ARHGEF10: variants seen among roughly 807,000 people sequenced by gnomAD.
ARHGEF10 encodes Rho guanine nucleotide exchange factor 10.
In ARHGEF10, 140 loss-of-function variants were observed where a neutral mutation model predicts 147.4. The observed-to-expected ratio is 0.95, with a 90% confidence interval of 0.83 to 1.09. The LOEUF is 1.09. Ranked by LOEUF, ARHGEF10 falls within the 50% of genes least tolerant of loss-of-function variation. The probability of loss-of-function intolerance (pLI) is 0.00; values close to 1 mark genes in which losing one functional copy is unlikely to be tolerated. For missense variants in ARHGEF10, 2,222 were observed against 1,752.7 expected, an observed-to-expected ratio of 1.27 and a Z score of -4.78; for synonymous variants, 902 against 695.8, an observed-to-expected ratio of 1.30 and a Z score of -4.67.
In ARHGEF10 at chr8:1,949,357, A is replaced by G. The variant is rs147935978; in HGVS notation, c.3398-3348A>G. ...ATAAGCTACATCAGATTCAACACAGACTAACAGTTGATGAAGGTCTGTGAT... is the reference window on the plus strand; with the variant it reads ...ATAAGCTACATCAGATTCAACACAGGCTAACAGTTGATGAAGGTCTGTGAT... On this transcript the variant is annotated intron_variant, in intron 27 of 28. Coordinates refer to ENST00000349830, the MANE Select transcript of ARHGEF10 (RefSeq NM_014629.4). Among the ~76,000 whole-genome samples the G allele has an allele frequency of 2.2e-4, 33 of 152,348 alleles. No homozygotes were observed. In the East Asian group the frequency reaches 6.0e-3, roughly 28 times the overall value.
At chr8:1,935,222 C>CA (rs1226246710) in intron 26 of ARHGEF10, among the ~76,000 whole-genome samples, 3 of 151,978 alleles carry the variant, frequency 2.0e-5, no homozygotes, top group African/African-American at 7.3e-5. Flanking sequence ...CCCCCCACAA[C>CA]CCCCCATCAG....
At chr8:1,888,875 A>AGTATTGTGAGGAGATACT (rs1809083068) in intron 11 of ARHGEF10, among the ~76,000 whole-genome samples, 1 of 98,270 alleles carries the variant, frequency 1.0e-5, no homozygotes, top group African/African-American at 5.9e-5. Context: ...GAGTGGGGTG[A>AGTATTGTGAGGAGATACT]GAGTTATGAG....
intron 25 of ARHGEF10, among the ~76,000 whole-genome samples, chr8:1,930,604 C>A (rs372471522): frequency 6.6e-6 from 1 of 152,170 alleles, no homozygotes; most frequent in African/African-American, 2.4e-5. Flanking sequence ...CCAACCACCC[C>A]CGTTCTCTCT....
chr8:1,824,925 C>G (rs1802653829), intron 1 of ARHGEF10, among the ~76,000 whole-genome samples: 1 of 51,872 alleles, frequency 1.9e-5, no homozygotes, highest in Non-Finnish European at 3.6e-5. Flanking sequence ...CCCTCAGCAC[C>G]CCATGTTAAC....
At chr8:1,917,065 C>T (rs990487330) in intron 18 of ARHGEF10, among the ~76,000 whole-genome samples, 3 of 152,250 alleles carry the variant, frequency 2.0e-5, no homozygotes, top group South Asian at 2.1e-4. Flanking sequence ...TTATTGCATA[C>T]TGCAAGCTTC....
intron 1 of ARHGEF10, among the ~76,000 whole-genome samples, chr8:1,838,513 T>C (rs1803727686): frequency 6.6e-6 from 1 of 152,264 alleles, no homozygotes; most frequent in Non-Finnish European, 1.5e-5. Context: ...CCTGCTGCTG[T>C]GTGCACGCCG....
At chr8:1,918,534 G>A (rs1473005315) in intron 18 of ARHGEF10, among the ~76,000 whole-genome samples, 1 of 150,152 alleles carries the variant, frequency 6.7e-6, no homozygotes, top group Non-Finnish European at 1.5e-5. Flanking sequence ...GTTTTTAGTT[G>A]ACAAATAATC....
chr8:1,846,365 G>A (rs547788149), intron 2 of ARHGEF10, among the ~76,000 whole-genome samples: 1 of 152,318 alleles, frequency 6.6e-6, no homozygotes, highest in South Asian at 2.1e-4. Context: ...CTTTTCTGAG[G>A]ATTCTGTGGT....
At position 1,929,353 on chromosome 8, in the gene ARHGEF10, A is replaced by G. The variant is rs533132790; in HGVS notation, c.2989A>G (p.Lys997Glu). The G allele has an allele frequency of 6.2e-7, 1 of 1,613,982 alleles. No homozygotes were observed. The highest frequency in any genetic ancestry group is 8.5e-7 in the Non-Finnish European group (1 of 1,180,032). Reference sequence around the variant, plus strand: ...ACTTCAGCACTTTTTCACTCCTGAGAAGTCCACAGTCATGAGCCTGGCTTG... The same window carrying G: ...ACTTCAGCACTTTTTCACTCCTGAGGAGTCCACAGTCATGAGCCTGGCTTG... The part of the protein sequence containing the change: ...VRLQHFFTPE[K>E]STVMSLACTS... Residue 997 changes from lysine (K) to glutamate (E), a missense_variant, in exon 25 of 29, where the codon AAG (lysine) becomes GAG (glutamate). Coordinates refer to ENST00000349830, the MANE Select transcript of ARHGEF10 (RefSeq NM_014629.4).
At chr8:1,941,169 T>C (rs1222911821) in intron 26 of ARHGEF10, among the ~76,000 whole-genome samples, 1 of 152,220 alleles carries the variant, frequency 6.6e-6, no homozygotes, top group Admixed American at 6.5e-5. Flanking sequence ...AAGGAAGAAG[T>C]AAAGTTGCAT....
At chr8:1,929,903 G>A (rs541991829) in intron 25 of ARHGEF10, among the ~76,000 whole-genome samples, 3 of 152,318 alleles carry the variant, frequency 2.0e-5, no homozygotes, top group South Asian at 4.1e-4. Flanking sequence ...GTGTTCTGCT[G>A]GGTGCCTTAG....
chr8:1,891,280 A>C (rs1257569936), intron 11 of ARHGEF10, among the ~76,000 whole-genome samples: 3 of 152,080 alleles, frequency 2.0e-5, no homozygotes, highest in Admixed American at 2.0e-4. Context: ...TGTCCATGAG[A>C]GTTTTCTCTT....
chr8:1,829,373 C>A (rs1048813524), intron 1 of ARHGEF10, among the ~76,000 whole-genome samples: 22 of 152,266 alleles, frequency 1.4e-4, no homozygotes, highest in African/African-American at 4.3e-4. Context: ...TAAGGCCAGG[C>A]CTGTGGGCGG....
In ARHGEF10 at chr8:1,923,767, C is replaced by A; in HGVS notation, c.2388-7C>A. 6.2e-7 allele frequency: 1 copy of A among 1,614,194 alleles called. No individual in the cohort carries two copies. Among genetic ancestry groups the A allele is most frequent in the Non-Finnish European group, 8.5e-7 (1 of 1,180,016 alleles). ...TAAAATGAATGCTTGTCTGTTGTTT[C>A]TGGCAGATCTGGGCGACCGACGTTC... On this transcript the variant is annotated splice_region_variant and splice_polypyrimidine_tract_variant and intron_variant, in intron 20 of 28. Transcript: ENST00000349830.
At chr8:1,877,774 A>C (rs780431404) in intron 8 of ARHGEF10, among the ~76,000 whole-genome samples, 1 of 151,978 alleles carries the variant, frequency 6.6e-6, no homozygotes, top group South Asian at 2.1e-4. Flanking sequence ...GTGCTCATCT[A>C]CAGTGATGTC....
chr8:1,923,661 G>A lies in ARHGEF10; in HGVS notation c.2387+66G>A, dbSNP rs973127881. 3.7e-6 allele frequency: 6 copies of A among 1,613,974 alleles called. No homozygotes were observed. In the African/African-American group the frequency reaches 8.0e-5, roughly 22 times the overall value. On this transcript the variant is annotated intron_variant, in intron 20 of 28. Coordinates refer to ENST00000349830, the MANE Select transcript of ARHGEF10 (RefSeq NM_014629.4). ...TGGGGAGAAAATGGTTCTTTGTCAT[G>A]ACATGTATGTTTTTTGGTTTGCTGA...
chr8:1,833,786 G>A (rs190806191), intron 1 of ARHGEF10, among the ~76,000 whole-genome samples: 8 of 152,208 alleles, frequency 5.3e-5, no homozygotes, highest in African/African-American at 1.4e-4. Flanking sequence ...AGCCCTCCTG[G>A]CCGCTGACCC....
chr8:1,950,378 T>A (rs963847902), intron 27 of ARHGEF10, among the ~76,000 whole-genome samples: 1 of 152,186 alleles, frequency 6.6e-6, no homozygotes, highest in Non-Finnish European at 1.5e-5. Flanking sequence ...CATGTAAAAT[T>A]AAAGATGTTG....
rs3758005 is a variant in ARHGEF10 at position 1,894,694 on chromosome 8, A to G, written c.1440+122A>G. 178,832 of 1,122,318 alleles carry G rather than the reference A, an allele frequency of 0.16. 16,647 individuals carry two copies. Among genetic ancestry groups the G allele is most frequent in the East Asian group, 0.3 (12,170 of 40,494 alleles). 69.5% of individuals were successfully genotyped at this position (1,122,318 alleles called of 1,614,324 possible). ...AGCTGACAAGTGTGCAGTTCTCTCT[A>G]AAGGCCAGGCTGAAGTTGCAATGCC... On this transcript the variant is annotated intron_variant, in intron 13 of 28. Transcript: ENST00000349830.
Sources: gnomAD v4.1 joint callset for allele counts (sites outside exome capture counted in the v4.1 genomes callset) on GRCh38, gnomAD v4.1.1 for gene constraint, MANE v1.5 for transcripts, NCBI Gene and HGNC (gene_info 2026-07-23, HGNC 2026-07-21) for gene names.